TTC27: variants seen among roughly 807,000 people sequenced by gnomAD.
TTC27 encodes tetratricopeptide repeat domain 27.
A neutral mutation model predicts 115.9 loss-of-function variants in TTC27; 79 were observed. The observed-to-expected ratio is 0.68, with a 90% CI of 0.57 to 0.82. TTC27 has a LOEUF of 0.82. Ranked by LOEUF, TTC27 falls within the 40% of genes least tolerant of loss-of-function variation. The pLI, the probability that TTC27 is intolerant of heterozygous loss-of-function variation, is 0.00. For synonymous variants in TTC27, 401 were observed against 356.0 expected, an observed-to-expected ratio of 1.13 and a Z score of -1.42; for missense variants, 1,054 against 993.1, an observed-to-expected ratio of 1.06 and a Z score of -0.82.
Position 32,777,878 on chromosome 2 carries a change from G to T in TTC27, c.1681-4G>T. 2 of 1,613,428 alleles carry T rather than the reference G, an allele frequency of 1.2e-6. No homozygotes were observed. Among genetic ancestry groups the T allele is most frequent in the Non-Finnish European group, 1.7e-6 (2 of 1,179,768 alleles). On this transcript the variant is annotated splice_region_variant and splice_polypyrimidine_tract_variant and intron_variant, in intron 13 of 19. Transcript: ENST00000317907. ...TGAATGACTTTGACTTTTGGTCTTT[G>T]CAGCTCGGGGTGTGGTTTTCTCTCG...
intron 10 of TTC27, among the ~76,000 whole-genome samples, chr2:32,722,496 G>A (rs1359201021): frequency 6.6e-6 from 1 of 152,188 alleles, no homozygotes; most frequent in Non-Finnish European, 1.5e-5. Context: ...GAGTCATTAT[G>A]TACATTTTTA....
At chr2:32,752,702 G>C (rs1669060151) in intron 12 of TTC27, among the ~76,000 whole-genome samples, 1 of 152,144 alleles carries the variant, frequency 6.6e-6, no homozygotes, top group Non-Finnish European at 1.5e-5. Flanking sequence ...CAGTCATTAT[G>C]GTGTCTTTAA....
rs149947644 is a variant in TTC27, at chr2:32,655,382, A to T, written c.640+5149A>T. 2.3e-3 allele frequency among the ~76,000 whole-genome samples: 354 copies of T among 152,156 alleles called. 1 individual carries two copies. The highest frequency in any genetic ancestry group is 8.2e-3 in the African/African-American group (340 of 41,534). On this transcript the variant is annotated intron_variant, in intron 5 of 19. Transcript: ENST00000317907. ...GGCTGGTCTTGAACTCCTGGCATCA[A>T]GGGATCTTCTCACCTCGGCCTCCCA...
chr2:32,761,286 A>G (rs1419376851), intron 13 of TTC27, among the ~76,000 whole-genome samples: 2 of 152,078 alleles, frequency 1.3e-5, no homozygotes, highest in East Asian at 3.9e-4. Context: ...TCTGCCTTCA[A>G]AATATGTCCA....
chr2:32,676,595 A>G (rs1313976900), intron 8 of TTC27, among the ~76,000 whole-genome samples: 1 of 149,484 alleles, frequency 6.7e-6, no homozygotes, highest in Non-Finnish European at 1.5e-5. Context: ...GGGTTCAAGC[A>G]GTTCTCTGCC....
intron 16 of TTC27, among the ~76,000 whole-genome samples, chr2:32,790,867 T>C (rs972823310): frequency 1.3e-5 from 2 of 152,188 alleles, no homozygotes; most frequent in East Asian, 1.9e-4. Context: ...ATGGACTCTT[T>C]ATGGTTTTCG....
At chr2:32,778,384 ATGATTTTTAG>A (rs1447096328) in intron 14 of TTC27, among the ~76,000 whole-genome samples, 1 of 152,200 alleles carries the variant, frequency 6.6e-6, no homozygotes. Flanking sequence ...ATACAATTCA[ATGATTTTTAG>A]TATAGTTAGA....
intron 12 of TTC27, among the ~76,000 whole-genome samples, chr2:32,754,741 C>A (rs1396385783): frequency 6.6e-6 from 1 of 150,966 alleles, no homozygotes; most frequent in Middle Eastern, 3.4e-3. Context: ...GCGTCTCTCA[C>A]CTCCCGGACG....
chr2:32,730,142 G>A (rs1325399883), intron 10 of TTC27, among the ~76,000 whole-genome samples: 19 of 152,060 alleles, frequency 1.2e-4, no homozygotes, highest in Admixed American at 1.0e-3. Context: ...CTTCTTCCAG[G>A]CTATTTGGGC....
intron 14 of TTC27, among the ~76,000 whole-genome samples, chr2:32,779,154 C>T (rs559239555): frequency 1.3e-4 from 20 of 152,052 alleles, no homozygotes; most frequent in African/African-American, 3.6e-4. Context: ...ACCTGGGAGG[C>T]GGAGGTCGCA....
chr2:32,664,351 C>G lies in TTC27; in HGVS notation c.689C>G (p.Ala230Gly). 6.2e-7 allele frequency: 1 copy of G among 1,610,828 alleles called. No homozygotes were observed. Among genetic ancestry groups the G allele is most frequent in the Non-Finnish European group, 8.5e-7 (1 of 1,178,442 alleles). ...GTAGATGATTCAGGTCGATATTTGG[C>G]TATTCAATTCCATCTGGAATGTGCA... is the stretch of plus-strand genomic sequence containing the variant. Reference protein sequence around the residue: ...LFVDDSGRYLAIQFHLECAYV... With the variant: ...LFVDDSGRYLGIQFHLECAYV... The change falls in exon 6 of 20, where the codon GCT becomes GGT. Residue 230 changes from alanine to glycine, a missense_variant. By Grantham distance (60) the Ala-to-Gly change is moderately conservative (BLOSUM62 0). Transcript: ENST00000317907.
intron 15 of TTC27, among the ~76,000 whole-genome samples, chr2:32,784,437 C>G (rs920907763): frequency 6.6e-6 from 1 of 152,174 alleles, no homozygotes; most frequent in Non-Finnish European, 1.5e-5. Flanking sequence ...CTCAGAAGAT[C>G]CTATTCATGC....
At chr2:32,718,638 A>G (rs1290426120) in intron 10 of TTC27, among the ~76,000 whole-genome samples, 1 of 152,052 alleles carries the variant, frequency 6.6e-6, no homozygotes. Context: ...TGATTGCCAA[A>G]GCTGATTGTG....
At chr2:32,817,226 A>G (rs111571527) in intron 18 of TTC27, among the ~76,000 whole-genome samples, 1 of 151,912 alleles carries the variant, frequency 6.6e-6, no homozygotes, top group Non-Finnish European at 1.5e-5. Context: ...AGACTGAGCG[A>G]CAGGGTGAGA....
intron 16 of TTC27, among the ~76,000 whole-genome samples, chr2:32,794,502 T>C (rs533323383): frequency 6.6e-6 from 1 of 152,106 alleles, no homozygotes; most frequent in African/African-American, 2.4e-5. Context: ...ACACAAGAAA[T>C]ATTTCAAGTC....
intron 12 of TTC27, among the ~76,000 whole-genome samples, chr2:32,749,704 T>C (rs951036854): frequency 6.6e-6 from 1 of 152,222 alleles, no homozygotes; most frequent in Non-Finnish European, 1.5e-5. Context: ...CTTTTTAACT[T>C]AGTGTTTCTT....
chr2:32,640,126 C>T lies in TTC27; in HGVS notation c.397-144C>T, dbSNP rs1664585462. 4.1e-6 allele frequency: 3 copies of T among 728,758 alleles called. No individual in the cohort carries two copies. The South Asian group carries it at 6.4e-5, about 16-fold the overall frequency. 45.1% of individuals were successfully genotyped at this position (728,758 alleles called of 1,614,324 possible). A position where few individuals can be genotyped will look rare whatever the true frequency, so the allele number is the denominator to read the frequency against. On this transcript the variant is annotated intron_variant, in intron 3 of 19. Transcript: ENST00000317907. ...TAAGGGCATTTGCAGTGTTATAATT[C>T]TGTCCAGTGCCAATTGCTGTGTAAT...
intron 12 of TTC27, among the ~76,000 whole-genome samples, chr2:32,756,855 T>C (rs1669250442): frequency 6.6e-6 from 1 of 152,204 alleles, no homozygotes; most frequent in Admixed American, 6.5e-5. Context: ...CTGTGCTTCT[T>C]GGTCTATGTT....
intron 12 of TTC27, among the ~76,000 whole-genome samples, chr2:32,756,721 C>T (rs1051138771): frequency 6.6e-6 from 1 of 152,234 alleles, no homozygotes; most frequent in Non-Finnish European, 1.5e-5. Context: ...CTCATTTTAG[C>T]TGCTAAAGGA....
Sources: gnomAD v4.1 joint callset for allele counts (sites outside exome capture counted in the v4.1 genomes callset) on GRCh38, gnomAD v4.1.1 for gene constraint, MANE v1.5 for transcripts, NCBI Gene and HGNC (gene_info 2026-07-23, HGNC 2026-07-21) for gene names.